The following CNTNAP2 variants were observed in gnomAD, a reference collection of about 807,000 sequenced individuals.
The protein encoded by CNTNAP2 is contactin associated protein 2.
CNTNAP2 carries 98 observed loss-of-function variants against 155.2 expected under a neutral mutation model. The ratio of observed to expected loss-of-function variants is 0.63; its 90% confidence interval spans 0.54 to 0.75. The LOEUF is 0.75. CNTNAP2 is among the 30% of genes least tolerant of loss of function. The probability of loss-of-function intolerance (pLI) is 0.00; values close to 1 mark genes in which losing one functional copy is unlikely to be tolerated. For synonymous variants in CNTNAP2, 651 were observed against 631.2 expected (o/e 1.03, Z -0.47); for missense variants, 1,727 against 1,688.1 (o/e 1.02, Z -0.40).
chr7:147,078,383 G>T lies in CNTNAP2; in HGVS notation c.551-29764G>T, dbSNP rs369639698. ...CCAAAAACTACCATGTACCATGTTT[G>T]CAATTTATATTCATCCTATAAACTG... On this transcript the variant is annotated intron_variant, in intron 4 of 23. Transcript: ENST00000361727. Among the ~76,000 whole-genome samples the T allele has an allele frequency of 3.9e-5, 6 of 152,150 alleles. No individual in the cohort carries two copies. The East Asian group carries it at 5.8e-4, about 15-fold the overall frequency.
At chr7:146,501,952 G>A (rs1328846327) in intron 1 of CNTNAP2, among the ~76,000 whole-genome samples, 1 of 151,862 alleles carries the variant, frequency 6.6e-6, no homozygotes, top group Non-Finnish European at 1.5e-5. Flanking sequence ...AAACAAACAA[G>A]GAGGTATTTG....
chr7:146,748,750 A>G (rs894057435), intron 1 of CNTNAP2, among the ~76,000 whole-genome samples: 3 of 152,204 alleles, frequency 2.0e-5, no homozygotes, highest in South Asian at 2.1e-4. Context: ...TTGTGGTCAA[A>G]CAGAGATTAA....
chr7:147,025,805 A>G (rs925811786), intron 3 of CNTNAP2, among the ~76,000 whole-genome samples: 2 of 151,108 alleles, frequency 1.3e-5, no homozygotes, highest in African/African-American at 4.9e-5. Flanking sequence ...TATATCTCAG[A>G]TAGCTAAATG....
intron 12 of CNTNAP2, among the ~76,000 whole-genome samples, chr7:147,602,652 A>G (rs1360130707): frequency 9.0e-6 from 1 of 111,458 alleles, no homozygotes; most frequent in African/African-American, 3.5e-5. Context: ...CCCCCACCCC[A>G]CAACAGGCCC....
chr7:147,688,871 T>C (rs991997260), intron 13 of CNTNAP2, among the ~76,000 whole-genome samples: 1 of 152,184 alleles, frequency 6.6e-6, no homozygotes, highest in African/African-American at 2.4e-5. Context: ...AATTCCCTAC[T>C]GTACACATGT....
intron 3 of CNTNAP2, among the ~76,000 whole-genome samples, chr7:146,949,773 T>C (rs1264408462): frequency 6.6e-6 from 1 of 152,146 alleles, no homozygotes; most frequent in Non-Finnish European, 1.5e-5. Flanking sequence ...TTGAGGCACT[T>C]ACAGACCTGA....
intron 20 of CNTNAP2, among the ~76,000 whole-genome samples, chr7:148,254,258 G>A (rs942131813): frequency 6.6e-6 from 1 of 152,188 alleles, no homozygotes; most frequent in East Asian, 1.9e-4. Flanking sequence ...TATCCTGGTC[G>A]TAGTTTCATT....
intron 8 of CNTNAP2, among the ~76,000 whole-genome samples, chr7:147,204,043 C>G (rs952206248): frequency 6.6e-6 from 1 of 151,830 alleles, no homozygotes; most frequent in African/African-American, 2.4e-5. Context: ...AAGCTCTTAA[C>G]TTTCCACAAA....
At chr7:146,627,381 T>G (rs978751480) in intron 1 of CNTNAP2, among the ~76,000 whole-genome samples, 4 of 152,182 alleles carry the variant, frequency 2.6e-5, no homozygotes, top group African/African-American at 7.2e-5. Flanking sequence ...TACGTATTAC[T>G]TCATGTAAAA....
intron 15 of CNTNAP2, among the ~76,000 whole-genome samples, chr7:148,088,892 A>G (rs1803787780): frequency 6.6e-6 from 1 of 152,020 alleles, no homozygotes. Context: ...TAATGAATAT[A>G]GATGCAAAAA....
intron 1 of CNTNAP2, among the ~76,000 whole-genome samples, chr7:146,657,771 C>CA: frequency 6.6e-6 from 1 of 151,988 alleles, no homozygotes; most frequent in Admixed American, 6.6e-5. Context: ...TCTTCATTGT[C>CA]AAAAAGAGTC....
chr7:147,244,393 AT>A (rs1174327004), intron 8 of CNTNAP2, among the ~76,000 whole-genome samples: 2 of 151,412 alleles, frequency 1.3e-5, no homozygotes, highest in Non-Finnish European at 2.9e-5. Context: ...TGTTAAAAAA[AT>A]ATATATTAAA....
intron 3 of CNTNAP2, among the ~76,000 whole-genome samples, chr7:146,898,766 G>C (rs925689391): frequency 1.3e-5 from 2 of 151,732 alleles, no homozygotes; most frequent in East Asian, 3.9e-4. Context: ...TTGTTTAACC[G>C]ATTGAGTACA....
intron 15 of CNTNAP2, among the ~76,000 whole-genome samples, chr7:148,112,792 A>G (rs1032169092): frequency 1.3e-5 from 2 of 152,052 alleles, no homozygotes; most frequent in African/African-American, 4.8e-5. Context: ...CTAAATTCTC[A>G]TCTTATATTC....
chr7:147,538,925 C>A (rs1241216817), intron 11 of CNTNAP2, among the ~76,000 whole-genome samples: 1 of 152,008 alleles, frequency 6.6e-6, no homozygotes, highest in Non-Finnish European at 1.5e-5. Flanking sequence ...AATTTTTGAA[C>A]CGTCAGTACT....
chr7:146,621,652 A>G (rs574801274), intron 1 of CNTNAP2, among the ~76,000 whole-genome samples: 4 of 152,260 alleles, frequency 2.6e-5, no homozygotes, highest in African/African-American at 9.6e-5. Flanking sequence ...TTCTCACCAC[A>G]TTCTATCTAG....
At chr7:146,165,761 A>T (rs111315067) in intron 1 of CNTNAP2, among the ~76,000 whole-genome samples, 1 of 152,196 alleles carries the variant, frequency 6.6e-6, no homozygotes, top group African/African-American at 2.4e-5. Flanking sequence ...AGCATAAAAC[A>T]AAAGTTAGCA....
At chr7:146,855,852 T>TACAC (rs1216766767) in intron 3 of CNTNAP2, among the ~76,000 whole-genome samples, 8 of 100,098 alleles carry the variant, frequency 8.0e-5, no homozygotes, top group East Asian at 3.2e-4. Flanking sequence ...TATATATATA[T>TACAC]ACACACTTAC....
intron 16 of CNTNAP2, among the ~76,000 whole-genome samples, chr7:148,136,357 A>G (rs1434088710): frequency 6.6e-6 from 1 of 151,842 alleles, no homozygotes; most frequent in Non-Finnish European, 1.5e-5. Context: ...CATGGTAATG[A>G]GTTCATATGA....
Sources: gnomAD v4.1 joint callset for allele counts (sites outside exome capture counted in the v4.1 genomes callset) on GRCh38, gnomAD v4.1.1 for gene constraint, MANE v1.5 for transcripts, NCBI Gene and HGNC (gene_info 2026-07-23, HGNC 2026-07-21) for gene names.